Variants in GALNT13 observed in about 807,000 individuals in gnomAD.
GALNT13 encodes the protein polypeptide N-acetylgalactosaminyltransferase 13, also known as UDP-GalNAc:polypeptide N-acetylgalactosaminyltransferase 13.
A neutral mutation model predicts 64.2 loss-of-function variants in GALNT13; 28 were observed. The ratio of observed to expected loss-of-function variants is 0.44; its 90% CI spans 0.32 to 0.60. The LOEUF (loss-of-function observed/expected upper bound fraction) is 0.60, where lower values mean the gene tolerates loss of function less well. Among genes scored for constraint, GALNT13 ranks in the 20% least tolerant of loss-of-function variants. The pLI, the probability that GALNT13 is intolerant of heterozygous loss-of-function variation, is 0.05. For missense variants in GALNT13, 577 were observed against 669.8 expected (o/e 0.86, Z 1.53); for synonymous variants, 214 against 224.6 (o/e 0.95, Z 0.42).
chr2:154,132,057 G>A (rs1682649539), intron 3 of GALNT13, among the ~76,000 whole-genome samples: 1 of 152,186 alleles, frequency 6.6e-6, no homozygotes, highest in Non-Finnish European at 1.5e-5. Flanking sequence ...CACGCTGGCA[G>A]CTGATTAAAT....
At chr2:153,530,776 C>T in the GALNT13 span, among the ~76,000 whole-genome samples, 2 of 152,262 alleles carry the variant, frequency 1.3e-5, no homozygotes, top group African/African-American at 4.8e-5. Flanking sequence ...GTGCCAATAA[C>T]ATGCACTGAG....
chr2:153,386,518 G>T, the GALNT13 span, among the ~76,000 whole-genome samples: 1 of 152,004 alleles, frequency 6.6e-6, no homozygotes, highest in African/African-American at 2.4e-5. Flanking sequence ...GAAATGACCT[G>T]GCCATTGTGG....
the GALNT13 span, among the ~76,000 whole-genome samples, chr2:153,747,573 G>A: frequency 6.6e-6 from 1 of 151,626 alleles, no homozygotes; most frequent in Non-Finnish European, 1.5e-5. Context: ...GATTACGGGT[G>A]CACGCCACCA....
At chr2:153,241,647 C>T in the GALNT13 span, among the ~76,000 whole-genome samples, 1 of 127,274 alleles carries the variant, frequency 7.9e-6, no homozygotes, top group East Asian at 2.1e-4. Context: ...AAGCCAAGTT[C>T]TGTGTGTGTA....
the GALNT13 span, among the ~76,000 whole-genome samples, chr2:153,315,466 G>A: frequency 6.6e-6 from 1 of 151,898 alleles, no homozygotes; most frequent in Non-Finnish European, 1.5e-5. Flanking sequence ...ATGAATTTTG[G>A]GAAAACATAA....
the GALNT13 span, among the ~76,000 whole-genome samples, chr2:153,866,426 C>A: frequency 6.6e-6 from 1 of 152,106 alleles, no homozygotes; most frequent in Non-Finnish European, 1.5e-5. Flanking sequence ...ACAAATAAAT[C>A]TATTTTTTTT....
chr2:154,010,907 TTG>T (rs960820009), intron 3 of GALNT13, among the ~76,000 whole-genome samples: 2 of 151,648 alleles, frequency 1.3e-5, no homozygotes, highest in African/African-American at 2.4e-5. Flanking sequence ...GAGGGTTTTT[TTG>T]TGTGTGTGTG....
the GALNT13 span, among the ~76,000 whole-genome samples, chr2:153,408,669 T>TG: frequency 5.1e-4 from 78 of 152,002 alleles, no homozygotes; most frequent in African/African-American, 1.7e-3. Context: ...TTTTTGTTTT[T>TG]TTTTTGCTAA....
chr2:154,186,492 A>T (rs1238917322), intron 4 of GALNT13, among the ~76,000 whole-genome samples: 1 of 152,118 alleles, frequency 6.6e-6, no homozygotes, highest in Non-Finnish European at 1.5e-5. Context: ...AATGATCACT[A>T]GTATAGTTTG....
chr2:153,509,297 C>A, the GALNT13 span, among the ~76,000 whole-genome samples: 1 of 152,190 alleles, frequency 6.6e-6, no homozygotes, highest in Non-Finnish European at 1.5e-5. Context: ...GGGGCTCCCG[C>A]CCTGCCAACT....
chr2:153,287,082 G>A, the GALNT13 span, among the ~76,000 whole-genome samples: 1 of 152,186 alleles, frequency 6.6e-6, no homozygotes, highest in South Asian at 2.1e-4. Flanking sequence ...CGCAGAAAAA[G>A]ATTAATGAAG....
the GALNT13 span, among the ~76,000 whole-genome samples, chr2:153,301,420 T>C: frequency 6.6e-6 from 1 of 152,020 alleles, no homozygotes; most frequent in South Asian, 2.1e-4. Flanking sequence ...ATTTATGTAA[T>C]TGACAAATAA....
chr2:154,030,241 A>G (rs2105304241), intron 3 of GALNT13, among the ~76,000 whole-genome samples: 1 of 152,274 alleles, frequency 6.6e-6, no homozygotes, highest in South Asian at 2.1e-4. Context: ...TATAAAAAGG[A>G]ACCCATATTC....
chr2:153,384,443 G>A, the GALNT13 span, among the ~76,000 whole-genome samples: 5 of 152,016 alleles, frequency 3.3e-5, no homozygotes, highest in Non-Finnish European at 7.4e-5. Flanking sequence ...AATGAGTAAA[G>A]CTAGCTGGGT....
the GALNT13 span, among the ~76,000 whole-genome samples, chr2:153,576,288 C>T: frequency 2.0e-5 from 3 of 152,068 alleles, no homozygotes; most frequent in Non-Finnish European, 2.9e-5. Flanking sequence ...TCGAGTGCCC[C>T]CCATCCACAG....
chr2:154,120,030 A>G (rs553059337), intron 3 of GALNT13, among the ~76,000 whole-genome samples: 1 of 152,130 alleles, frequency 6.6e-6, no homozygotes, highest in Non-Finnish European at 1.5e-5. Context: ...TTGTCTGTAC[A>G]TTTGTGGAGA....
At chr2:153,836,713 T>A in the GALNT13 span, among the ~76,000 whole-genome samples, 8 of 146,120 alleles carry the variant, frequency 5.5e-5, no homozygotes, top group Admixed American at 4.2e-4. Context: ...TGTGTACATG[T>A]GATCTCATTG....
At chr2:153,585,075 A>G in the GALNT13 span, among the ~76,000 whole-genome samples, 2 of 152,218 alleles carry the variant, frequency 1.3e-5, no homozygotes, top group Admixed American at 6.5e-5. Context: ...TCCTAACCAA[A>G]AAGAAATATT....
At chr2:154,381,477 T>C (rs1698267553) in intron 9 of GALNT13, among the ~76,000 whole-genome samples, 1 of 152,116 alleles carries the variant, frequency 6.6e-6, no homozygotes, top group Non-Finnish European at 1.5e-5. Context: ...TTAATTTTTG[T>C]GTGGGCTATC....
Sources: allele counts gnomAD v4.1 joint callset (sites outside exome capture counted in the v4.1 genomes callset), GRCh38; gene constraint gnomAD v4.1.1; transcripts MANE v1.5; gene names NCBI Gene and HGNC (gene_info 2026-07-23, HGNC 2026-07-21).